Variants in KBTBD12 observed in about 807,000 individuals in gnomAD.
KBTBD12 encodes kelch repeat and BTB domain containing 12, also known as kelch repeat and BTB domain-containing protein 12.
In KBTBD12, 53 loss-of-function variants were observed where a neutral mutation model predicts 58.7. That is an observed-to-expected ratio of 0.90 (90% CI 0.72 to 1.14). The LOEUF is 1.14. Among genes scored for constraint, KBTBD12 ranks in the 50% most tolerant of loss-of-function variants. The pLI is 0.00. For synonymous variants in KBTBD12, 236 were observed against 259.8 expected (o/e 0.91, Z 0.88); for missense variants, 704 against 751.3 (o/e 0.94, Z 0.74).
At chr3:127,932,991 C>A (rs1939742351) in intron 4 of KBTBD12, among the ~76,000 whole-genome samples, 1 of 152,074 alleles carries the variant, frequency 6.6e-6, no homozygotes, top group South Asian at 2.1e-4. Flanking sequence ...CTTTAGAAAC[C>A]TTTTAAGATC....
intron 5 of KBTBD12, among the ~76,000 whole-genome samples, chr3:127,976,818 CT>C (rs1940792530): frequency 6.6e-6 from 1 of 152,086 alleles, no homozygotes; most frequent in Non-Finnish European, 1.5e-5. Flanking sequence ...CACAGGACCT[CT>C]GTTCTTTTTG....
rs186104532 is a variant in KBTBD12, at chr3:127,983,177, C to T, written c.1691-920C>T. On this transcript the variant is annotated intron_variant, in intron 5 of 5. Transcript: ENST00000405109. ...GAATAATTTTTGACTGAATTGTGAACGTGGCCTTTCTTCGTTTCTTAGAAA... is the reference window on the plus strand; with the variant it reads ...GAATAATTTTTGACTGAATTGTGAATGTGGCCTTTCTTCGTTTCTTAGAAA... Among the ~76,000 whole-genome samples, 676 of 152,332 alleles carry T rather than the reference C, an allele frequency of 4.4e-3. 6 individuals carry two copies. The highest frequency in any genetic ancestry group is 0.015 in the African/African-American group (614 of 41,556).
At chr3:127,943,020 G>C (rs1269763371) in intron 4 of KBTBD12, among the ~76,000 whole-genome samples, 1 of 152,078 alleles carries the variant, frequency 6.6e-6, no homozygotes, top group Non-Finnish European at 1.5e-5. Flanking sequence ...TCACCACTTT[G>C]AAAACAGCAC....
chr3:127,916,505 C>G (rs531384189), intron 1 of KBTBD12, among the ~76,000 whole-genome samples: 1 of 152,170 alleles, frequency 6.6e-6, no homozygotes, highest in South Asian at 2.1e-4. Flanking sequence ...TAATGACTGT[C>G]CCTCAGGTCT....
chr3:127,986,704 G>C lies in KBTBD12; in HGVS notation c.*2426G>C, dbSNP rs1263093559. 6.6e-6 allele frequency: 1 copy of C among 152,216 alleles called. No homozygotes were observed. Among genetic ancestry groups the C allele is most frequent in the African/African-American group, 2.4e-5 (1 of 41,408 alleles). The allele number at this position is 152,216 out of a possible 1,614,324, so 9.4% of individuals were successfully genotyped here. A position where few individuals can be genotyped will look rare whatever the true frequency, so the allele number is the denominator to read the frequency against. On this transcript the variant is annotated 3_prime_UTR_variant, in exon 6 of 6. Coordinates refer to ENST00000405109, the MANE Select transcript of KBTBD12 (RefSeq NM_207335.4). The stretch of plus-strand genomic sequence containing the variant: ...GGGTTTCACCATGTTGGCCAGGATG[G>C]TCTCAATCTCTTGACCTCGTGATCT...
At chr3:127,953,309 A>G (rs1425717908) in intron 4 of KBTBD12, among the ~76,000 whole-genome samples, 7 of 152,228 alleles carry the variant, frequency 4.6e-5, no homozygotes, top group Non-Finnish European at 1.0e-4. Flanking sequence ...TTCTGTCCTC[A>G]TGCGTTGGGA....
At chr3:127,940,275 A>G (rs1173229892) in intron 4 of KBTBD12, among the ~76,000 whole-genome samples, 1 of 152,160 alleles carries the variant, frequency 6.6e-6, no homozygotes, top group Admixed American at 6.5e-5. Flanking sequence ...TCTAACTGAC[A>G]TTTATTGCCC....
rs1000425105 is a variant in KBTBD12, at chr3:127,987,575, G to A, written c.*3297G>A. ...CAGCTGTCAACCACAGCCTGCCCCA[G>A]TGTGTTCAACACGGTGGCATTGTTC... On this transcript the variant is annotated 3_prime_UTR_variant, in exon 6 of 6. Transcript: ENST00000405109. 1.3e-5 allele frequency: 2 copies of A among 152,256 alleles called. No individual in the cohort carries two copies. Among genetic ancestry groups the A allele is most frequent in the African/African-American group, 4.8e-5 (2 of 41,464 alleles). The allele number at this position is 152,256 out of a possible 1,614,324, so 9.4% of individuals were successfully genotyped here. A position where few individuals can be genotyped will look rare whatever the true frequency, so the allele number is the denominator to read the frequency against.
intron 5 of KBTBD12, among the ~76,000 whole-genome samples, chr3:127,981,312 T>G (rs1282784712): frequency 6.6e-6 from 1 of 152,206 alleles, no homozygotes; most frequent in Non-Finnish European, 1.5e-5. Context: ...CTGTTACCTT[T>G]TCTACAAAAT....
intron 3 of KBTBD12, 85 bp downstream of exon 3, chr3:127,928,119 T>C: frequency 8.6e-7 from 1 of 1,168,392 alleles, no homozygotes; most frequent in South Asian, 1.3e-5. Flanking sequence ...TGTTGAATGC[T>C]AAAAGAGTGT....
At chr3:127,970,067 T>G (rs1450690254) in intron 5 of KBTBD12, among the ~76,000 whole-genome samples, 8 of 152,210 alleles carry the variant, frequency 5.3e-5, no homozygotes, top group Admixed American at 1.3e-4. Flanking sequence ...GAGACTTGTA[T>G]CTAAAATACA....
At chr3:127,975,953 G>A (rs908718805) in intron 5 of KBTBD12, among the ~76,000 whole-genome samples, 1 of 152,116 alleles carries the variant, frequency 6.6e-6, no homozygotes, top group Non-Finnish European at 1.5e-5. Flanking sequence ...TAAACTTACA[G>A]AAAAGTTACA....
chr3:127,955,529 G>GT (rs1413617279), intron 4 of KBTBD12, among the ~76,000 whole-genome samples: 1 of 152,168 alleles, frequency 6.6e-6, no homozygotes, highest in Non-Finnish European at 1.5e-5. Context: ...TTTGAAAAGT[G>GT]TAAGTCTCAA....
chr3:127,959,036 T>C (rs560072144), intron 4 of KBTBD12, among the ~76,000 whole-genome samples: 2 of 152,304 alleles, frequency 1.3e-5, no homozygotes, highest in East Asian at 3.9e-4. Flanking sequence ...TGTTAGACTT[T>C]AGAAAGTGGC....
intron 4 of KBTBD12, among the ~76,000 whole-genome samples, chr3:127,935,252 A>G (rs961617933): frequency 1.3e-5 from 2 of 152,160 alleles, no homozygotes; most frequent in Admixed American, 6.6e-5. Context: ...GTAAAGCAGC[A>G]ATTGTGATAC....
intron 5 of KBTBD12, among the ~76,000 whole-genome samples, chr3:127,974,242 A>G (rs1940735680): frequency 6.6e-6 from 1 of 152,220 alleles, no homozygotes; most frequent in Admixed American, 6.5e-5. Flanking sequence ...AAAGCAAAGA[A>G]AGAAAACTGA....
At position 127,924,118 on chromosome 3, in the gene KBTBD12, G is replaced by A. The variant is rs1177961103; in HGVS notation, c.1057G>A (p.Val353Ile). The A allele has an allele frequency of 6.2e-7, 1 of 1,604,532 alleles. No individual in the cohort carries two copies. The highest frequency in any genetic ancestry group is 1.3e-5 in the African/African-American group (1 of 74,536). The change falls in exon 2 of 6, where the codon GTT becomes ATT. Residue 353 changes from valine (V) to isoleucine (I), a missense_variant. Coordinates refer to ENST00000405109, the MANE Select transcript of KBTBD12 (RefSeq NM_207335.4). The part of the protein sequence containing the change: ...SKLSRQKNKN[V>I]EIYRYHDRGN... The stretch of plus-strand genomic sequence containing the variant: ...ACTCTCTAGACAAAAGAACAAGAAT[G>A]TTGAAATTTATAGGTTTGTATCTAG...
chr3:127,955,524 A>G (rs146988490), intron 4 of KBTBD12, among the ~76,000 whole-genome samples: 94 of 152,340 alleles, frequency 6.2e-4, no homozygotes, highest in African/African-American at 2.2e-3. Flanking sequence ...CAATTTTTGA[A>G]AAGTGTAAGT....
chr3:127,947,945 T>C (rs1005971053), intron 4 of KBTBD12, among the ~76,000 whole-genome samples: 5 of 152,228 alleles, frequency 3.3e-5, no homozygotes, highest in Non-Finnish European at 7.3e-5. Flanking sequence ...TTTCAACATA[T>C]GACTTTTCCA....
Sources: allele counts gnomAD v4.1 joint callset (sites outside exome capture counted in the v4.1 genomes callset), GRCh38; gene constraint gnomAD v4.1.1; transcripts MANE v1.5; gene names NCBI Gene and HGNC (gene_info 2026-07-23, HGNC 2026-07-21).